The following CSMD1 variants were observed in gnomAD, a reference collection of about 807,000 sequenced individuals.
The protein encoded by CSMD1 is CUB and sushi domain-containing protein 1.
A neutral mutation model predicts 417.5 loss-of-function variants in CSMD1; 213 were observed. The observed-to-expected ratio is 0.51, with a 90% confidence interval of 0.46 to 0.57. The LOEUF is 0.57. Among genes scored for constraint, CSMD1 ranks in the 20% least tolerant of loss-of-function variants. The probability of loss-of-function intolerance (pLI) is 0.00; values close to 1 mark genes in which losing one functional copy is unlikely to be tolerated. For missense variants in CSMD1, 6,923 were observed against 4,529.7 expected, an observed-to-expected ratio of 1.53 and a Z score of -15.17; for synonymous variants, 2,862 against 1,736.8, an observed-to-expected ratio of 1.65 and a Z score of -16.11.
At chr8:4,558,408 T>A (rs1216331474) in intron 2 of CSMD1, among the ~76,000 whole-genome samples, 1 of 152,216 alleles carries the variant, frequency 6.6e-6, no homozygotes, top group Non-Finnish European at 1.5e-5. Context: ...TAATCTTTTT[T>A]AACTCTAACA....
At chr8:3,345,844 A>G (rs1807953949) in intron 22 of CSMD1, among the ~76,000 whole-genome samples, 1 of 152,194 alleles carries the variant, frequency 6.6e-6, no homozygotes, top group Non-Finnish European at 1.5e-5. Flanking sequence ...TTTTACAGAA[A>G]CTATACCCTG....
intron 12 of CSMD1, among the ~76,000 whole-genome samples, chr8:3,443,577 G>C (rs1181030402): frequency 6.6e-5 from 10 of 152,200 alleles, no homozygotes; most frequent in Admixed American, 2.0e-4. Flanking sequence ...AAACAGTTTA[G>C]AAGAGAAGGA....
chr8:4,282,474 T>G lies in CSMD1; in HGVS notation c.415+137479A>C, dbSNP rs1585153448. Among the ~76,000 whole-genome samples the G allele has an allele frequency of 3.9e-5, 6 of 152,308 alleles. No homozygotes were observed. In the South Asian group the frequency reaches 1.2e-3, roughly 32 times the overall value. Reference sequence around the variant, plus strand: ...AGGACGGAATGGTGCCATTTTTGCTTATTTAATTTAGTATGACATCGTTAT... The same window carrying G: ...AGGACGGAATGGTGCCATTTTTGCTGATTTAATTTAGTATGACATCGTTAT... On this transcript the variant is annotated intron_variant, in intron 3 of 69. Coordinates refer to ENST00000635120, the MANE Select transcript of CSMD1 (RefSeq NM_033225.6).
At chr8:4,294,715 C>T (rs868099610) in intron 3 of CSMD1, among the ~76,000 whole-genome samples, 28 of 152,180 alleles carry the variant, frequency 1.8e-4, no homozygotes, top group Non-Finnish European at 1.0e-4. Flanking sequence ...CTTCTCTTCT[C>T]ATATAATCTA....
chr8:4,918,631 G>T (rs969990826), intron 1 of CSMD1, among the ~76,000 whole-genome samples: 1 of 152,150 alleles, frequency 6.6e-6, no homozygotes, highest in Admixed American at 6.5e-5. Flanking sequence ...CGTTACTTCA[G>T]ATTGATAAAT....
intron 3 of CSMD1, among the ~76,000 whole-genome samples, chr8:4,256,629 C>T (rs1242277795): frequency 2.0e-5 from 3 of 152,124 alleles, no homozygotes; most frequent in Non-Finnish European, 4.4e-5. Context: ...CAGTGAGACC[C>T]ATGAAAGGGG....
At chr8:3,609,334 A>G (rs1375550893) in intron 8 of CSMD1, among the ~76,000 whole-genome samples, 2 of 152,186 alleles carry the variant, frequency 1.3e-5, no homozygotes, top group Non-Finnish European at 1.5e-5. Flanking sequence ...ACTTCCATCA[A>G]TCTTACTGAT....
At chr8:3,794,446 A>T (rs563094433) in intron 5 of CSMD1, among the ~76,000 whole-genome samples, 1 of 152,154 alleles carries the variant, frequency 6.6e-6, no homozygotes, top group Non-Finnish European at 1.5e-5. Context: ...TCATAGAATC[A>T]GTACTTATAA....
At chr8:4,439,228 AT>A (rs1563173862) in intron 2 of CSMD1, among the ~76,000 whole-genome samples, 3 of 152,306 alleles carry the variant, frequency 2.0e-5, no homozygotes, top group East Asian at 3.9e-4. Context: ...GAAATACTTT[AT>A]ATGAAATATA....
chr8:4,005,725 C>T (rs1029175913), intron 4 of CSMD1, among the ~76,000 whole-genome samples: 3 of 152,176 alleles, frequency 2.0e-5, no homozygotes, highest in African/African-American at 7.2e-5. Flanking sequence ...TGATTTGTTT[C>T]AGCTAAATAT....
intron 2 of CSMD1, among the ~76,000 whole-genome samples, chr8:4,504,412 C>G (rs1266824780): frequency 2.0e-5 from 3 of 152,118 alleles, no homozygotes; most frequent in African/African-American, 7.2e-5. Context: ...AACATTGTGC[C>G]TACAGCTGAC....
intron 54 of CSMD1, among the ~76,000 whole-genome samples, chr8:2,997,042 G>C (rs764647153): frequency 6.6e-6 from 1 of 152,220 alleles, no homozygotes; most frequent in Admixed American, 6.5e-5. Context: ...GCTGGGGCTC[G>C]GCGGAGGCAG....
chr8:3,712,516 C>T (rs184709937), intron 6 of CSMD1, among the ~76,000 whole-genome samples: 238 of 152,180 alleles, frequency 1.6e-3, no homozygotes, highest in Non-Finnish European at 2.5e-3. Flanking sequence ...CCTGCAATAG[C>T]CTCTTCTTTC....
chr8:3,717,019 T>C (rs562826007), intron 6 of CSMD1, among the ~76,000 whole-genome samples: 1 of 152,126 alleles, frequency 6.6e-6, no homozygotes, highest in South Asian at 2.1e-4. Flanking sequence ...AAAATAAAGG[T>C]CACAAAGCTT....
intron 3 of CSMD1, among the ~76,000 whole-genome samples, chr8:4,407,591 A>C (rs957547409): frequency 3.3e-5 from 5 of 152,224 alleles, no homozygotes; most frequent in African/African-American, 1.2e-4. Context: ...ACCTCACTTA[A>C]ATTTCTAGGA....
intron 1 of CSMD1, among the ~76,000 whole-genome samples, chr8:4,870,293 T>C (rs1461292159): frequency 1.3e-5 from 2 of 152,042 alleles, no homozygotes; most frequent in South Asian, 2.1e-4. Flanking sequence ...TGGGTAAAAA[T>C]TGGAACAGAA....
intron 4 of CSMD1, among the ~76,000 whole-genome samples, chr8:4,004,207 T>C (rs1043048420): frequency 2.6e-5 from 4 of 152,082 alleles, no homozygotes; most frequent in Non-Finnish European, 5.9e-5. Context: ...TTATGAGGGA[T>C]TTAAAAACTC....
chr8:4,072,715 G>A (rs1799623238), intron 3 of CSMD1, among the ~76,000 whole-genome samples: 1 of 152,152 alleles, frequency 6.6e-6, no homozygotes, highest in South Asian at 2.1e-4. Flanking sequence ...TGGGAATACA[G>A]AAATGAACAA....
intron 3 of CSMD1, among the ~76,000 whole-genome samples, chr8:4,366,051 A>T (rs1036186184): frequency 2.6e-5 from 4 of 152,114 alleles, no homozygotes; most frequent in African/African-American, 9.7e-5. Flanking sequence ...AGTACCTGAC[A>T]GATAGCCTTC....
Sources: gnomAD v4.1 joint callset for allele counts (sites outside exome capture counted in the v4.1 genomes callset) on GRCh38, gnomAD v4.1.1 for gene constraint, MANE v1.5 for transcripts, NCBI Gene and HGNC (gene_info 2026-07-23, HGNC 2026-07-21) for gene names.